Variants in FNDC3B observed in about 807,000 individuals in gnomAD.
The protein encoded by FNDC3B is fibronectin type III domain-containing protein 3B.
Under a neutral mutation model 151.5 loss-of-function variants are expected in FNDC3B, and 12 were observed. The ratio of observed to expected loss-of-function variants is 0.08; its 90% CI spans 0.05 to 0.13. FNDC3B has a LOEUF of 0.13. Ranked by LOEUF, FNDC3B falls within the 10% of genes least tolerant of loss-of-function variation. FNDC3B has a pLI of 1.00. For synonymous variants in FNDC3B, 528 were observed against 549.0 expected (o/e 0.96, Z 0.54); for missense variants, 1,214 against 1,505.3 (o/e 0.81, Z 3.20).
chr3:172,392,990 A>G (rs1038410657), intron 25 of FNDC3B, among the ~76,000 whole-genome samples: 13 of 151,788 alleles, frequency 8.6e-5, no homozygotes, highest in Admixed American at 6.6e-4. Context: ...TTTAGTAGAG[A>G]TGAGGTTTCA....
intron 4 of FNDC3B, among the ~76,000 whole-genome samples, chr3:172,237,763 T>TA (rs2108756248): frequency 6.6e-6 from 1 of 152,354 alleles, no homozygotes; most frequent in East Asian, 1.9e-4. Context: ...TGTTTAGACT[T>TA]AATCACTGGC....
intron 11 of FNDC3B, among the ~76,000 whole-genome samples, chr3:172,320,106 T>G (rs9830387): frequency 0.066 from 9,974 of 152,152 alleles, 1,134 homozygotes; most frequent in African/African-American, 0.23. Context: ...GAGGCCGGGC[T>G]CAGTGGCTGA....
intron 11 of FNDC3B, among the ~76,000 whole-genome samples, chr3:172,324,210 C>T (rs1042555539): frequency 5.9e-5 from 9 of 152,006 alleles, no homozygotes; most frequent in Admixed American, 3.9e-4. Flanking sequence ...TTTCTCCCTT[C>T]CCAGGCTTGG....
chr3:172,088,197 T>G (rs1363600135), intron 1 of FNDC3B, among the ~76,000 whole-genome samples: 1 of 152,246 alleles, frequency 6.6e-6, no homozygotes, highest in African/African-American at 2.4e-5. Flanking sequence ...TAGGGAAAAT[T>G]TCTTCCAAGT....
Position 172,352,887 on chromosome 3 carries a change from C to A in FNDC3B, c.2599C>A (p.Leu867Ile). ...PASAPDPVSTLCVLEEEPLDA... is the reference protein window; with the variant it reads ...PASAPDPVSTICVLEEEPLDA... Reference sequence around the variant, plus strand: ...GTCTGCCCCTGACCCCGTCTCCACTCTCTGTGTCCTGGAGGAGGAGCCCCT... The same window carrying A: ...GTCTGCCCCTGACCCCGTCTCCACTATCTGTGTCCTGGAGGAGGAGCCCCT... Residue 867 changes from leucine to isoleucine, a missense_variant, in exon 22 of 26, where the codon CTC (leucine) becomes ATC (isoleucine). Leu to Ile is a conservative substitution (Grantham distance 5). Coordinates refer to ENST00000415807, the MANE Select transcript of FNDC3B (RefSeq NM_022763.4). This position sits in a 1 kb window ranked among gnomAD's most constrained non-coding sequence, Gnocchi z 4.2. 3 of 1,614,204 alleles carry A rather than the reference C, an allele frequency of 1.9e-6. No homozygotes were observed. The highest frequency in any genetic ancestry group is 2.5e-6 in the Non-Finnish European group (3 of 1,180,010).
At chr3:172,202,577 G>A (rs996937858) in intron 3 of FNDC3B, among the ~76,000 whole-genome samples, 11 of 152,114 alleles carry the variant, frequency 7.2e-5, no homozygotes, top group African/African-American at 2.7e-4. Context: ...TCCTAATTTT[G>A]TAAGTTAGAA....
At chr3:172,350,918 G>A (rs1343273004) in intron 21 of FNDC3B, among the ~76,000 whole-genome samples, 1 of 152,182 alleles carries the variant, frequency 6.6e-6, no homozygotes, top group East Asian at 1.9e-4. Flanking sequence ...TGTCCAATAA[G>A]CTAAATGAAA....
intron 6 of FNDC3B, among the ~76,000 whole-genome samples, chr3:172,261,782 C>T (rs975331222): frequency 2.0e-5 from 3 of 152,176 alleles, no homozygotes; most frequent in Non-Finnish European, 4.4e-5. Context: ...GAAATGCTCC[C>T]CATAGTTGAC....
intron 1 of FNDC3B, among the ~76,000 whole-genome samples, chr3:172,108,512 A>T (rs770156874): frequency 6.6e-6 from 1 of 152,214 alleles, no homozygotes; most frequent in Non-Finnish European, 1.5e-5. Flanking sequence ...CTCACAGCTG[A>T]GTTGAGCCAC....
At chr3:172,266,459 C>A (rs529814162) in intron 6 of FNDC3B, among the ~76,000 whole-genome samples, 1 of 152,340 alleles carries the variant, frequency 6.6e-6, no homozygotes, top group Non-Finnish European at 1.5e-5. Flanking sequence ...TAGGCATACA[C>A]CGCCGTGCCT....
chr3:172,190,825 T>C (rs1319463212), intron 3 of FNDC3B, among the ~76,000 whole-genome samples: 2 of 152,172 alleles, frequency 1.3e-5, no homozygotes, highest in African/African-American at 4.8e-5. Context: ...TGTACCACCA[T>C]GCCCGGCTAA....
At chr3:172,158,885 T>A (rs1559993822) in intron 3 of FNDC3B, among the ~76,000 whole-genome samples, 1 of 152,178 alleles carries the variant, frequency 6.6e-6, no homozygotes, top group Non-Finnish European at 1.5e-5. Context: ...CTCTCCCTCC[T>A]CCCTTATCTT....
chr3:172,296,245 C>T (rs962386842), intron 8 of FNDC3B, among the ~76,000 whole-genome samples: 9 of 152,166 alleles, frequency 5.9e-5, no homozygotes, highest in African/African-American at 2.2e-4. Flanking sequence ...CTGCCCGTGC[C>T]CAGGGTAATA....
Position 172,334,415 on chromosome 3 carries a change from C to A in FNDC3B, c.1642-529C>A, listed in dbSNP as rs534570027. Among the ~76,000 whole-genome samples, 3 of 148,786 alleles carry A rather than the reference C, an allele frequency of 2.0e-5. No homozygotes were observed. The East Asian group carries it at 6.1e-4, about 30-fold the overall frequency. On this transcript the variant is annotated intron_variant, in intron 14 of 25. Coordinates refer to ENST00000415807, the MANE Select transcript of FNDC3B (RefSeq NM_022763.4). ...TGTCTTTTTGAAAGGGTAAAAATAT[C>A]TTTAAAACCCATCTTATCATTTTAT...
At chr3:172,280,640 C>T (rs1729661449) in intron 6 of FNDC3B, among the ~76,000 whole-genome samples, 1 of 152,138 alleles carries the variant, frequency 6.6e-6, no homozygotes, top group African/African-American at 2.4e-5. Flanking sequence ...GCTGTTACAA[C>T]CAGAAATACA....
intron 3 of FNDC3B, among the ~76,000 whole-genome samples, chr3:172,135,941 A>G (rs1175125562): frequency 2.6e-5 from 4 of 152,232 alleles, no homozygotes. Flanking sequence ...TCATCCTCAC[A>G]GTCCCAGTGA....
chr3:172,142,620 G>C (rs1309963942), intron 3 of FNDC3B, among the ~76,000 whole-genome samples: 2 of 152,220 alleles, frequency 1.3e-5, no homozygotes, highest in Non-Finnish European at 2.9e-5. Flanking sequence ...AAAAGTTCAT[G>C]TTACAAGTGT....
intron 3 of FNDC3B, among the ~76,000 whole-genome samples, chr3:172,211,417 C>T (rs575788234): frequency 5.9e-5 from 9 of 152,134 alleles, no homozygotes; most frequent in East Asian, 3.9e-4. Flanking sequence ...GTCAGTAGCC[C>T]AGGGTTATAA....
chr3:172,049,493 G>A (rs1021314918), intron 1 of FNDC3B, among the ~76,000 whole-genome samples: 4 of 152,042 alleles, frequency 2.6e-5, no homozygotes, highest in Non-Finnish European at 4.4e-5. Flanking sequence ...GTGTACACTC[G>A]GACCTGTCAC....
Sources: gnomAD v4.1 joint callset for allele counts (sites outside exome capture counted in the v4.1 genomes callset) on GRCh38, gnomAD v4.1.1 for gene constraint, Gnocchi (gnomAD v3.1) non-coding constraint, MANE v1.5 for transcripts, NCBI Gene and HGNC (gene_info 2026-07-23, HGNC 2026-07-21) for gene names.